The following ANO3 variants were observed in gnomAD, a reference collection of about 807,000 sequenced individuals.
ANO3 encodes the protein anoctamin 3, also known as anoctamin-3.
Under a neutral mutation model 144.8 loss-of-function variants are expected in ANO3, and 99 were observed. That is an observed-to-expected ratio of 0.68 (90% CI 0.58 to 0.81). The LOEUF (loss-of-function observed/expected upper bound fraction) is 0.81, where lower values mean the gene tolerates loss of function less well. ANO3 is among the 30% of genes least tolerant of loss of function. The pLI is 0.00. For synonymous variants in ANO3, 414 were observed against 392.6 expected (o/e 1.05, Z -0.64); for missense variants, 905 against 1,202.2 (o/e 0.75, Z 3.66).
chr11:26,315,687 A>G (rs1333483858), intron 1 of ANO3, among the ~76,000 whole-genome samples: 1 of 133,118 alleles, frequency 7.5e-6, no homozygotes, highest in Non-Finnish European at 1.6e-5. Flanking sequence ...CTATCTATCC[A>G]TCTATCTATC....
At chr11:26,641,298 T>C (rs1476627174) in intron 21 of ANO3, among the ~76,000 whole-genome samples, 1 of 152,238 alleles carries the variant, frequency 6.6e-6, no homozygotes, top group South Asian at 2.1e-4. Flanking sequence ...CTCATGTTTC[T>C]AAACTCAGAG....
Position 26,389,337 on chromosome 11 carries a change from A to G in ANO3, c.47-52581A>G, listed in dbSNP as rs1163970203. Among the ~76,000 whole-genome samples the G allele has an allele frequency of 2.0e-5, 3 of 152,166 alleles. No homozygotes were observed. The East Asian group carries it at 5.8e-4, about 29-fold the overall frequency. On this transcript the variant is annotated intron_variant, in intron 1 of 26. Transcript: ENST00000256737. ...AATCTCTCAGTGTCTCAATTTCTTC[A>G]TCAATACAATGGGGATATTAATCAT...
At chr11:26,354,384 G>T (rs1855722820) in intron 1 of ANO3, among the ~76,000 whole-genome samples, 1 of 152,142 alleles carries the variant, frequency 6.6e-6, no homozygotes, top group Non-Finnish European at 1.5e-5. Flanking sequence ...AGTGATGATG[G>T]CTTGATAGTT....
intron 1 of ANO3, among the ~76,000 whole-genome samples, chr11:26,390,431 G>T (rs1856844428): frequency 6.6e-6 from 1 of 151,932 alleles, no homozygotes; most frequent in Non-Finnish European, 1.5e-5. Flanking sequence ...CAAAAAACTT[G>T]ATGTGGCTAG....
intron 1 of ANO3, among the ~76,000 whole-genome samples, chr11:26,269,387 C>T (rs1230160493): frequency 5.3e-5 from 8 of 152,086 alleles, no homozygotes; most frequent in Admixed American, 1.3e-4. Context: ...AGTTTTCTGC[C>T]GCTAGCTTCT....
At chr11:26,374,886 G>A (rs1289721093) in intron 1 of ANO3, among the ~76,000 whole-genome samples, 1 of 152,150 alleles carries the variant, frequency 6.6e-6, no homozygotes, top group Non-Finnish European at 1.5e-5. Context: ...TGGGATTACA[G>A]GTGCACACCA....
rs143033440 is a variant in ANO3 at position 26,403,252 on chromosome 11, C to G, written c.47-38666C>G. 1.1e-4 allele frequency among the ~76,000 whole-genome samples: 16 copies of G among 152,016 alleles called. 1 individual carries two copies. Among genetic ancestry groups the G allele is most frequent in the African/African-American group, 3.9e-4 (16 of 41,524 alleles). On this transcript the variant is annotated intron_variant, in intron 1 of 26. Coordinates refer to ENST00000256737, the MANE Select transcript of ANO3 (RefSeq NM_031418.4). ...TATTTTATATTTCCCTAAGACAGCA[C>G]ATAATGCCTGGCTCTCTCTCTTTTA...
At chr11:26,428,245 A>G (rs922338311) in intron 1 of ANO3, among the ~76,000 whole-genome samples, 41 of 152,214 alleles carry the variant, frequency 2.7e-4, no homozygotes, top group Admixed American at 1.0e-3. Flanking sequence ...ATTAACACTT[A>G]ACAAGATTAA....
intron 14 of ANO3, chr11:26,565,836 A>C: frequency 6.2e-7 from 1 of 1,612,882 alleles, no homozygotes; most frequent in South Asian, 1.1e-5. Context: ...TGAAATCAAC[A>C]GAATTTTGGC....
intron 17 of ANO3, among the ~76,000 whole-genome samples, chr11:26,612,355 G>T (rs527540496): frequency 6.6e-6 from 1 of 151,278 alleles, no homozygotes; most frequent in Non-Finnish European, 1.5e-5. Flanking sequence ...TTATTTTAAC[G>T]TAACTTTGTT....
chr11:26,574,646 T>C (rs1850940567), intron 14 of ANO3, among the ~76,000 whole-genome samples: 1 of 152,146 alleles, frequency 6.6e-6, no homozygotes, highest in Admixed American at 6.6e-5. Context: ...GAAATGTATT[T>C]GGGGATAACA....
intron 5 of ANO3, among the ~76,000 whole-genome samples, chr11:26,514,634 T>C (rs1861793486): frequency 6.6e-6 from 1 of 152,056 alleles, no homozygotes; most frequent in South Asian, 2.1e-4. Flanking sequence ...ATTGAGGAAA[T>C]TCAAACTATG....
intron 14 of ANO3, chr11:26,561,070 C>G (rs1184058496): frequency 4.3e-6 from 7 of 1,609,856 alleles, no homozygotes; most frequent in Non-Finnish European, 5.1e-6. Context: ...TAGTTCTATA[C>G]AGAAGTACGA....
At chr11:26,465,160 G>GTGTGTGTC (rs1248056122) in intron 4 of ANO3, among the ~76,000 whole-genome samples, 9 of 126,342 alleles carry the variant, frequency 7.1e-5, no homozygotes, top group African/African-American at 3.2e-4. Flanking sequence ...GTGTGTGTGT[G>GTGTGTGTC]TCTGTGTGTG....
At chr11:26,523,057 AACAATCAT>A (rs1862148677) in intron 6 of ANO3, among the ~76,000 whole-genome samples, 2 of 152,182 alleles carry the variant, frequency 1.3e-5, no homozygotes, top group Non-Finnish European at 2.9e-5. Context: ...TGGAAAGCTT[AACAATCAT>A]GGTGGAAGGG....
intron 17 of ANO3, among the ~76,000 whole-genome samples, chr11:26,602,745 AGTCTC>A (rs1851836247): frequency 9.0e-6 from 1 of 110,574 alleles, no homozygotes; most frequent in Non-Finnish European, 2.0e-5. Context: ...CATGAGACCA[AGTCTC>A]AAAAAAAAAA....
At chr11:26,190,460 A>C (rs1481174629) in intron 1 of ANO3, among the ~76,000 whole-genome samples, 1 of 152,178 alleles carries the variant, frequency 6.6e-6, no homozygotes, top group East Asian at 1.9e-4. Context: ...GACTTACTAG[A>C]TATTGAACCT....
intron 1 of ANO3, among the ~76,000 whole-genome samples, chr11:26,386,308 G>A (rs1241760797): frequency 6.6e-6 from 1 of 152,100 alleles, no homozygotes; most frequent in Non-Finnish European, 1.5e-5. Flanking sequence ...AGGATGTGTG[G>A]GCTCCTCCTT....
At chr11:26,602,449 A>G (rs948022395) in intron 17 of ANO3, among the ~76,000 whole-genome samples, 2 of 152,144 alleles carry the variant, frequency 1.3e-5, no homozygotes, top group African/African-American at 2.4e-5. Flanking sequence ...AAGAGGGGCC[A>G]GGCATGGTGG....
Sources: allele counts gnomAD v4.1 joint callset (sites outside exome capture counted in the v4.1 genomes callset), GRCh38; gene constraint gnomAD v4.1.1; transcripts MANE v1.5; gene names NCBI Gene and HGNC (gene_info 2026-07-23, HGNC 2026-07-21).